The following PCDHGB6 variants were observed in gnomAD, a reference collection of about 807,000 sequenced individuals.
The protein encoded by PCDHGB6 is protocadherin gamma subfamily B, 6.
A neutral mutation model predicts 59.1 loss-of-function variants in PCDHGB6; 51 were observed. The observed-to-expected ratio is 0.86, with a 90% CI of 0.69 to 1.09. The LOEUF (loss-of-function observed/expected upper bound fraction) is 1.09, where lower values mean the gene tolerates loss of function less well. Among genes scored for constraint, PCDHGB6 ranks in the 50% least tolerant of loss-of-function variants. The pLI, the probability that PCDHGB6 is intolerant of heterozygous loss-of-function variation, is 0.00. For synonymous variants in PCDHGB6, 466 were observed against 495.1 expected (o/e 0.94, Z 0.78); for missense variants, 1,148 against 1,205.1 (o/e 0.95, Z 0.70).
intron 1 of PCDHGB6, chr5:141,415,199 T>C (rs761532551): frequency 1.7e-5 from 28 of 1,613,880 alleles, no homozygotes; most frequent in Non-Finnish European, 2.4e-5. Flanking sequence ...ATCCCCCAAG[T>C]CCTGGCGGAC....
In PCDHGB6 at chr5:141,486,581, C is replaced by T; in HGVS notation, c.2419-8226C>T. 1 of 1,613,764 alleles carries T rather than the reference C, an allele frequency of 6.2e-7. No individual in the cohort carries two copies. The highest frequency in any genetic ancestry group is 1.1e-5 in the South Asian group (1 of 91,082). On this transcript the variant is annotated intron_variant, in intron 1 of 3. Coordinates refer to ENST00000520790, the MANE Select transcript of PCDHGB6 (RefSeq NM_018926.3). This position sits in a 1 kb window ranked among gnomAD's most constrained non-coding sequence, Gnocchi z 5.0. ...GGTGTTTGTTCCTGAGAACAATCGC[C>T]CAGGGGACCTGCTTTGCTCCCTTGC... is the stretch of plus-strand genomic sequence containing the variant.
intron 1 of PCDHGB6, among the ~76,000 whole-genome samples, chr5:141,482,089 CA>C (rs36035257): frequency 0.43 from 58,297 of 134,322 alleles, 12,050 homozygotes; most frequent in African/African-American, 0.53. Context: ...CACTCCATCT[CA>C]AAAAAAAAAA....
At chr5:141,455,837 AT>A (rs2098833014) in intron 1 of PCDHGB6, among the ~76,000 whole-genome samples, 2 of 151,422 alleles carry the variant, frequency 1.3e-5, no homozygotes, top group African/African-American at 4.8e-5. Context: ...TTTCCTGTCT[AT>A]CTGCATAAAA....
chr5:141,490,445 A>G lies in PCDHGB6; in HGVS notation c.2419-4362A>G, dbSNP rs2099700298. 6.2e-7 allele frequency: 1 copy of G among 1,614,022 alleles called. No individual in the cohort carries two copies. The highest frequency in any genetic ancestry group is 8.5e-7 in the Non-Finnish European group (1 of 1,180,030). ...CCATTTCAGATTAAGCCTTCTGAGA[A>G]CCACTACTCGCTGCTAACCAGCCAG... On this transcript the variant is annotated intron_variant, in intron 1 of 3. Coordinates refer to ENST00000520790, the MANE Select transcript of PCDHGB6 (RefSeq NM_018926.3). The surrounding 1 kb of genome is among the most constrained non-coding windows in gnomAD (Gnocchi z 5.4).
chr5:141,462,161 T>G (rs1592764918), intron 1 of PCDHGB6, among the ~76,000 whole-genome samples: 1 of 152,148 alleles, frequency 6.6e-6, no homozygotes, highest in Non-Finnish European at 1.5e-5. Flanking sequence ...GGTTTCATCA[T>G]GTTGGCCAGG....
chr5:141,415,828 G>T, intron 1 of PCDHGB6: 1 of 1,293,336 alleles, frequency 7.7e-7, no homozygotes, highest in East Asian at 2.8e-5. Flanking sequence ...ATAAGGCTTT[G>T]TTATGATTAG....
chr5:141,430,897 C>T, intron 1 of PCDHGB6: 1 of 1,605,442 alleles, frequency 6.2e-7, no homozygotes, highest in Non-Finnish European at 8.5e-7. Context: ...CTAGGGTGGG[C>T]GACATCTCCA....
Position 141,414,535 on chromosome 5 carries a change from C to T in PCDHGB6, c.2418+3915C>T, listed in dbSNP as rs2095756820. The T allele has an allele frequency of 6.2e-7, 1 of 1,613,962 alleles. No individual in the cohort carries two copies. On this transcript the variant is annotated intron_variant, in intron 1 of 3. Coordinates refer to ENST00000520790, the MANE Select transcript of PCDHGB6 (RefSeq NM_018926.3). The stretch of plus-strand genomic sequence containing the variant: ...AGTGGCAGATATCAATGACAACCCA[C>T]CTACCTTCTCTCAAGTCTCCTACTT...
intron 1 of PCDHGB6, chr5:141,419,370 A>G (rs1460064670): frequency 1.9e-6 from 3 of 1,613,574 alleles, no homozygotes; most frequent in African/African-American, 2.7e-5. Context: ...CTGTCGTCCT[A>G]CGTGTCCGTG....
At position 141,430,558 on chromosome 5, in the gene PCDHGB6, G is replaced by A. The variant is rs1472516429; in HGVS notation, c.2418+19938G>A. 2.2e-5 allele frequency: 9 copies of A among 417,488 alleles called. No homozygotes were observed. In the East Asian group the frequency reaches 3.3e-4, roughly 15 times the overall value. The allele number at this position is 417,488 out of a possible 1,614,324, so 25.9% of individuals were successfully genotyped here. On this transcript the variant is annotated intron_variant, in intron 1 of 3. Transcript: ENST00000520790. ...TCTGAGCGCCGCTGTTCACCAATCGGGGAGAGAAAAGCGGAGATCCTGCTC... is the reference window on the plus strand; with the variant it reads ...TCTGAGCGCCGCTGTTCACCAATCGAGGAGAGAAAAGCGGAGATCCTGCTC...
At chr5:141,422,420 C>A in intron 1 of PCDHGB6, 2 of 1,607,576 alleles carry the variant, frequency 1.2e-6, no homozygotes, top group Non-Finnish European at 1.7e-6. Context: ...TTAGAAAAGA[C>A]TTATGGAAAT....
At chr5:141,428,792 T>A (rs1590880161) in intron 1 of PCDHGB6, 1 of 152,978 alleles carries the variant, frequency 6.5e-6, no homozygotes, top group Middle Eastern at 3.4e-3. Flanking sequence ...TTCCTTTCTG[T>A]GTGGGCCAGT....
chr5:141,480,413 T>C (rs1478520852), intron 1 of PCDHGB6, among the ~76,000 whole-genome samples: 2 of 135,292 alleles, frequency 1.5e-5, no homozygotes, highest in African/African-American at 3.0e-5. Context: ...AGACCCTGTC[T>C]CAAAAAAAAA....
At chr5:141,488,359 T>A (rs1262194591) in intron 1 of PCDHGB6, among the ~76,000 whole-genome samples, 1 of 152,198 alleles carries the variant, frequency 6.6e-6, no homozygotes, top group Non-Finnish European at 1.5e-5. Context: ...ACCCTGTGCA[T>A]CTTTAAGTTG....
Position 141,485,785 on chromosome 5 carries a change from G to C in PCDHGB6, c.2419-9022G>C. ...TGGAGAAGCCTTTGGATCGAGAGAAGCAATCGGACTACCGCCTGGTGCTGA... is the reference window on the plus strand; with the variant it reads ...TGGAGAAGCCTTTGGATCGAGAGAACCAATCGGACTACCGCCTGGTGCTGA... On this transcript the variant is annotated intron_variant, in intron 1 of 3. Coordinates refer to ENST00000520790, the MANE Select transcript of PCDHGB6 (RefSeq NM_018926.3). The surrounding 1 kb of genome is among the most constrained non-coding windows in gnomAD (Gnocchi z 5.7). The C allele has an allele frequency of 1.2e-6, 2 of 1,614,214 alleles. No individual in the cohort carries two copies. The highest frequency in any genetic ancestry group is 1.7e-6 in the Non-Finnish European group (2 of 1,180,030).
intron 3 of PCDHGB6, among the ~76,000 whole-genome samples, chr5:141,510,194 G>T (rs920127442): frequency 6.6e-6 from 1 of 151,462 alleles, no homozygotes. Context: ...AATCACTTGA[G>T]CCCAGGAGGC....
At position 141,487,033 on chromosome 5, in the gene PCDHGB6, A is replaced by C. The variant is rs1465525110; in HGVS notation, c.2419-7774A>C. ...AGGCCCCAGATCCCAGCCTGTTTGC[A>C]GTCTCTCGATATGCTGGGGAGGTGC... On this transcript the variant is annotated intron_variant, in intron 1 of 3. Transcript: ENST00000520790. This position sits in a 1 kb window ranked among gnomAD's most constrained non-coding sequence, Gnocchi z 5.0. 3 of 1,614,160 alleles carry C rather than the reference A, an allele frequency of 1.9e-6. No individual in the cohort carries two copies. Among genetic ancestry groups the C allele is most frequent in the Non-Finnish European group, 2.5e-6 (3 of 1,180,032 alleles).
At chr5:141,510,124 A>G (rs2099879540) in intron 3 of PCDHGB6, among the ~76,000 whole-genome samples, 1 of 152,156 alleles carries the variant, frequency 6.6e-6, no homozygotes, top group Admixed American at 6.5e-5. Context: ...AAATACAAAA[A>G]TTAGCTGGGC....
chr5:141,414,799 G>A, intron 1 of PCDHGB6: 1 of 1,614,214 alleles, frequency 6.2e-7, no homozygotes, highest in Non-Finnish European at 8.5e-7. Context: ...CAGCGACAGC[G>A]GGGATCCTCC....
Sources: gnomAD v4.1 joint callset for allele counts (sites outside exome capture counted in the v4.1 genomes callset) on GRCh38, gnomAD v4.1.1 for gene constraint, Gnocchi (gnomAD v3.1) non-coding constraint, MANE v1.5 for transcripts, NCBI Gene and HGNC (gene_info 2026-07-23, HGNC 2026-07-21) for gene names.